Variants in CDH23 observed in about 807,000 individuals in gnomAD.
The protein encoded by CDH23 is cadherin-23.
A neutral mutation model predicts 317.1 loss-of-function variants in CDH23; 189 were observed. The observed-to-expected ratio is 0.60, with a 90% CI of 0.53 to 0.67. The LOEUF (loss-of-function observed/expected upper bound fraction) is 0.67. Ranked by LOEUF, CDH23 falls within the 30% of genes least tolerant of loss-of-function variation. CDH23 has a pLI of 0.00. For synonymous variants in CDH23, 1,839 were observed against 1,876.8 expected, an observed-to-expected ratio of 0.98 and a Z score of 0.52; for missense variants, 4,401 against 4,592.4, an observed-to-expected ratio of 0.96 and a Z score of 1.20.
At chr10:71,544,300 G>A (rs1477550091) in intron 6 of CDH23, among the ~76,000 whole-genome samples, 4 of 152,216 alleles carry the variant, frequency 2.6e-5, no homozygotes, top group Admixed American at 2.6e-4. Context: ...GACCGAGAGA[G>A]TGGGCGGAAA....
intron 43 of CDH23, among the ~76,000 whole-genome samples, chr10:71,785,416 A>G (rs750173491): frequency 1.3e-5 from 2 of 152,194 alleles, no homozygotes; most frequent in Non-Finnish European, 2.9e-5. Context: ...CAACAACACC[A>G]TGGGGTCCTC....
chr10:71,467,535 G>A (rs1851311443), intron 3 of CDH23, among the ~76,000 whole-genome samples: 1 of 152,138 alleles, frequency 6.6e-6, no homozygotes, highest in African/African-American at 2.4e-5. Flanking sequence ...TGTGAGGTTG[G>A]GTGGGAGGCA....
intron 26 of CDH23, chr10:71,707,312 G>A (rs921460920): frequency 2.1e-6 from 3 of 1,426,416 alleles, no homozygotes; most frequent in East Asian, 2.5e-5. Context: ...ATCTACCAAG[G>A]TTCATTCTAG....
chr10:71,478,737 A>G (rs1851917882), intron 3 of CDH23, among the ~76,000 whole-genome samples: 1 of 152,202 alleles, frequency 6.6e-6, no homozygotes, highest in Non-Finnish European at 1.5e-5. Context: ...GGGTCACCCC[A>G]AATTCAATGG....
intron 9 of CDH23, among the ~76,000 whole-genome samples, chr10:71,598,441 C>T (rs1860002111): frequency 6.6e-6 from 1 of 152,204 alleles, no homozygotes; most frequent in African/African-American, 2.4e-5. Flanking sequence ...GCTCCGGGCC[C>T]TCTCCAGGAG....
chr10:71,648,158 C>T (rs1862986657), intron 14 of CDH23, among the ~76,000 whole-genome samples: 1 of 152,200 alleles, frequency 6.6e-6, no homozygotes, highest in South Asian at 2.1e-4. Context: ...TTTTCTTCAC[C>T]TCCCGCGTCT....
intron 8 of CDH23, among the ~76,000 whole-genome samples, chr10:71,572,631 G>A (rs1272160128): frequency 6.6e-6 from 1 of 152,042 alleles, no homozygotes; most frequent in Non-Finnish European, 1.5e-5. Flanking sequence ...CCAGCCCAAA[G>A]TCCACCCACC....
chr10:71,793,649 G>A lies in CDH23; in HGVS notation c.6712+9G>A, dbSNP rs759485942. On this transcript the variant is annotated intron_variant, in intron 48 of 69. Transcript: ENST00000224721. ...TGTGAATATCAACACAGGTACAAGGGCCTGCACCCCTCCCACCTCCCTCCC... is the reference window on the plus strand; with the variant it reads ...TGTGAATATCAACACAGGTACAAGGACCTGCACCCCTCCCACCTCCCTCCC... 27 of 1,549,156 alleles carry A rather than the reference G, an allele frequency of 1.7e-5. No homozygotes were observed. The East Asian group carries it at 3.9e-4, about 22-fold the overall frequency.
chr10:71,430,559 A>T (rs1849323611), intron 1 of CDH23, among the ~76,000 whole-genome samples: 1 of 152,228 alleles, frequency 6.6e-6, no homozygotes, highest in South Asian at 2.1e-4. Context: ...CTGTAATCCC[A>T]GCACTTTGGG....
Position 71,814,904 on chromosome 10 carries a change from ACCC to A in CDH23, c.9739-46_9739-44del, listed in dbSNP as rs562598745. On this transcript the variant is annotated intron_variant, in intron 69 of 69. Coordinates refer to ENST00000224721, the MANE Select transcript of CDH23 (RefSeq NM_022124.6). ...GGTCTCTGGGGCCATCCACCTGCTC[ACCC>A]CTTGGGCATGGCCCTGAGCATGTGG... 104 of 1,538,500 alleles carry A rather than the reference ACCC, an allele frequency of 6.8e-5. 1 individual carries two copies. The South Asian group carries it at 1.3e-3, about 19-fold the overall frequency.
At chr10:71,734,166 GA>G (rs1228278032) in intron 32 of CDH23, 73 bp from the exon 33 acceptor site, 6 of 1,256,314 alleles carry the variant, frequency 4.8e-6, no homozygotes, top group Non-Finnish European at 6.8e-6. Flanking sequence ...CATGGAGGTG[GA>G]AAAGTGGGCA....
chr10:71,811,868 C>G (rs1841941198), intron 65 of CDH23, 87 bp from the exon 66 acceptor site: 1 of 1,595,282 alleles, frequency 6.3e-7, no homozygotes, highest in South Asian at 1.1e-5. Context: ...GGACCATGCC[C>G]CGCACCCCAT....
At chr10:71,500,602 T>G (rs1192341668) in intron 3 of CDH23, among the ~76,000 whole-genome samples, 1 of 152,172 alleles carries the variant, frequency 6.6e-6, no homozygotes, top group African/African-American at 2.4e-5. Context: ...TGGGGTTAGT[T>G]GCTTTGGGGT....
Position 71,682,432 on chromosome 10 carries a change from C to G in CDH23, c.1859-13C>G. ...TGCTTACAGAGGGATCTGGCCTGTT[C>G]CTGTCATTGCAGTGATCAGCGTCAG... is the stretch of plus-strand genomic sequence containing the variant. On this transcript the variant is annotated splice_polypyrimidine_tract_variant and intron_variant, in intron 17 of 69. Coordinates refer to ENST00000224721, the MANE Select transcript of CDH23 (RefSeq NM_022124.6). 6.2e-7 allele frequency: 1 copy of G among 1,610,842 alleles called. No individual in the cohort carries two copies. The highest frequency in any genetic ancestry group is 1.1e-5 in the South Asian group (1 of 90,278).
intron 1 of CDH23, among the ~76,000 whole-genome samples, chr10:71,403,908 G>A (rs977511061): frequency 6.6e-6 from 1 of 152,018 alleles, no homozygotes; most frequent in African/African-American, 2.4e-5. Context: ...TGACCAACAT[G>A]GTGAAACCCC....
intron 6 of CDH23, among the ~76,000 whole-genome samples, chr10:71,529,342 T>C (rs1855225318): frequency 6.6e-6 from 1 of 152,164 alleles, no homozygotes. Context: ...CAGCCAGTTC[T>C]GGAGCAGGGC....
intron 14 of CDH23, among the ~76,000 whole-genome samples, chr10:71,661,892 C>G (rs1165399379): frequency 8.6e-6 from 1 of 116,718 alleles, no homozygotes; most frequent in South Asian, 3.1e-4. Flanking sequence ...CAGCGCGCCC[C>G]CTCCCACCCA....
intron 11 of CDH23, among the ~76,000 whole-genome samples, chr10:71,621,927 A>G (rs1246142016): frequency 6.6e-6 from 1 of 152,198 alleles, no homozygotes; most frequent in African/African-American, 2.4e-5. Flanking sequence ...ACACCAGGGA[A>G]GGAAAGGACA....
At chr10:71,689,597 A>T (rs1309006889) in intron 19 of CDH23, among the ~76,000 whole-genome samples, 1 of 152,166 alleles carries the variant, frequency 6.6e-6, no homozygotes, top group Non-Finnish European at 1.5e-5. Context: ...GGGACTGCTG[A>T]TTCATCCGCT....
Sources: gnomAD v4.1 joint callset for allele counts (sites outside exome capture counted in the v4.1 genomes callset) on GRCh38, gnomAD v4.1.1 for gene constraint, MANE v1.5 for transcripts, NCBI Gene and HGNC (gene_info 2026-07-23, HGNC 2026-07-21) for gene names.